Variants in CHCHD7 observed in about 807,000 individuals in gnomAD.
The protein encoded by CHCHD7 is coiled-coil-helix-coiled-coil-helix domain-containing protein 7.
A neutral mutation model predicts 10.5 loss-of-function variants in CHCHD7; 7 were observed. The ratio of observed to expected loss-of-function variants is 0.67; its 90% CI spans 0.38 to 1.25. The LOEUF (loss-of-function observed/expected upper bound fraction) is 1.25, where lower values mean the gene tolerates loss of function less well. CHCHD7 is among the 50% of genes most tolerant of loss of function. CHCHD7 has a pLI of 0.02. For synonymous variants in CHCHD7, 40 were observed against 36.0 expected, an observed-to-expected ratio of 1.11 and a Z score of -0.40; for missense variants, 100 against 104.5, an observed-to-expected ratio of 0.96 and a Z score of 0.19.
At chr8:56,212,852 T>C (rs777222629) in intron 1 of CHCHD7, 1 of 1,605,724 alleles carries the variant, frequency 6.2e-7, no homozygotes, top group Admixed American at 1.7e-5. Flanking sequence ...GAAAAGGAAA[T>C]GAAATGTGAA....
chr8:56,213,516 T>A (rs1321891342), intron 1 of CHCHD7: 1 of 152,288 alleles, frequency 6.6e-6, no homozygotes, highest in Non-Finnish European at 1.5e-5. Context: ...CTCAGCCTCC[T>A]GAGTAGTTGG....
At position 56,218,098 on chromosome 8, in the gene CHCHD7, C is replaced by A. The variant is rs929373334; in HGVS notation, c.*663C>A. The A allele has an allele frequency of 4.4e-5, 10 of 228,408 alleles. No individual in the cohort carries two copies. Among genetic ancestry groups the A allele is most frequent in the Admixed American group, 3.4e-4 (6 of 17,618 alleles). The allele number at this position is 228,408 out of a possible 1,614,324, so 14.1% of individuals were successfully genotyped here. A position where few individuals can be genotyped will look rare whatever the true frequency, so the allele number is the denominator to read the frequency against. On this transcript the variant is annotated 3_prime_UTR_variant, in exon 4 of 4. Transcript: ENST00000355315. ...TAAAGAAAGTCTTAGTTACAGGATT[C>A]TGTGATTAAAATCCTTAAATATTGG...
Position 56,216,437 on chromosome 8 carries a change from C to A in CHCHD7, c.59C>A (p.Ser20Tyr), listed in dbSNP as rs763812651. 1.4e-5 allele frequency: 23 copies of A among 1,613,876 alleles called. No individual in the cohort carries two copies. In the East Asian group the frequency reaches 4.7e-4, roughly 33 times the overall value. ...TGCCTCTCTTATATCTGTAAGGAAT[C>A]TGATGCTTCCACCAGATGTCTGGAT... ...DPDINPCLSE[S>Y]DASTRCLDEN... is the part of the protein sequence containing the mutation. Residue 20 changes from serine (S) to tyrosine (Y), a missense_variant, in exon 3 of 4, where the codon TCT becomes TAT. Transcript: ENST00000355315.
In CHCHD7 at chr8:56,213,017, A is replaced by G. The variant is rs1563405520; in HGVS notation, c.-17+1180A>G. 4.3e-5 allele frequency: 29 copies of G among 677,560 alleles called. No homozygotes were observed. The East Asian group carries it at 7.8e-4, about 18-fold the overall frequency. 42.0% of individuals were successfully genotyped at this position (677,560 alleles called of 1,614,324 possible). A position where few individuals can be genotyped will look rare whatever the true frequency, so the allele number is the denominator to read the frequency against. Reference sequence around the variant, plus strand: ...GCAAGGTTGTCTGATCCTTGTTGAGATTATTAAATCTAAGGTGTATGAAGA... The same window carrying G: ...GCAAGGTTGTCTGATCCTTGTTGAGGTTATTAAATCTAAGGTGTATGAAGA... On this transcript the variant is annotated intron_variant, in intron 1 of 3. Transcript: ENST00000355315.
chr8:56,216,624 C>T (rs1585859036), intron 3 of CHCHD7, 93 bp downstream of exon 3: 1 of 1,294,264 alleles, frequency 7.7e-7, no homozygotes, highest in Non-Finnish European at 1.1e-6. Context: ...TCCTTTCCCA[C>T]TGATGGCTGT....
chr8:56,217,216 T>C (rs915676500), intron 3 of CHCHD7, 115 bp from the exon 4 acceptor site: 13 of 587,196 alleles, frequency 2.2e-5, no homozygotes, highest in African/African-American at 1.3e-4. Context: ...TAAAAAAAAC[T>C]TGGTTTTTAG....
In CHCHD7 at chr8:56,218,305, A is replaced by G. The variant is rs1813478836; in HGVS notation, c.*870A>G. Reference sequence around the variant, plus strand: ...GAACTTCACTTTATGATATAAACACAATACGATTATTCAATGTGGTGACTG... The same window carrying G: ...GAACTTCACTTTATGATATAAACACGATACGATTATTCAATGTGGTGACTG... On this transcript the variant is annotated 3_prime_UTR_variant, in exon 4 of 4. Transcript: ENST00000355315. 1.3e-5 allele frequency: 3 copies of G among 229,322 alleles called. No homozygotes were observed. The highest frequency in any genetic ancestry group is 2.6e-5 in the Non-Finnish European group (3 of 115,752). The allele number at this position is 229,322 out of a possible 1,614,324, so 14.2% of individuals were successfully genotyped here.
At chr8:56,212,731 C>T in intron 1 of CHCHD7, 1 of 683,178 alleles carries the variant, frequency 1.5e-6, no homozygotes, top group East Asian at 2.6e-5. Context: ...CCGCTCCTCA[C>T]TGTAAATTGA....
intron 1 of CHCHD7, chr8:56,212,582 C>A (rs900096250): frequency 1.1e-5 from 4 of 371,028 alleles, no homozygotes; most frequent in Non-Finnish European, 1.9e-5. Context: ...GGTTTTGTGG[C>A]CCCTCCTTCA....
intron 1 of CHCHD7, chr8:56,212,772 A>G: frequency 1.2e-6 from 1 of 861,672 alleles, no homozygotes; most frequent in Non-Finnish European, 2.0e-6. Context: ...TTAATACACG[A>G]GGAACTCATG....
intron 1 of CHCHD7, chr8:56,212,538 A>G (rs1482471823): frequency 7.4e-6 from 2 of 270,682 alleles, no homozygotes; most frequent in South Asian, 9.7e-5. Flanking sequence ...TGCCCTTTGG[A>G]GTGGATTTTA....
intron 3 of CHCHD7, 125 bp downstream of exon 3, chr8:56,216,656 T>C (rs780706233): frequency 2.0e-6 from 2 of 994,180 alleles, no homozygotes; most frequent in East Asian, 5.1e-5. Context: ...ACTTTTCAAC[T>C]TTATCCTCTG....
chr8:56,217,167 T>C (rs554388638), intron 3 of CHCHD7, among the ~76,000 whole-genome samples, 164 bp from the exon 4 acceptor site: 3 of 152,362 alleles, frequency 2.0e-5, no homozygotes, highest in African/African-American at 7.2e-5. Flanking sequence ...TAAATACGTT[T>C]ATCTGGAGTC....
chr8:56,216,485 G>A lies in CHCHD7; in HGVS notation c.107G>A (p.Arg36Lys). 1 of 1,614,164 alleles carries A rather than the reference G, an allele frequency of 6.2e-7. No individual in the cohort carries two copies. Among genetic ancestry groups the A allele is most frequent in the Non-Finnish European group, 8.5e-7 (1 of 1,180,014 alleles). ...GATGAAAATAACTATGACAGGGAAA[G>A]GTGTTCCACTTACTTCTTGAGGTAC... ...CLDENNYDRE[R>K]CSTYFLRYKN... is the part of the protein sequence containing the mutation. Residue 36 changes from arginine to lysine, a missense_variant, in exon 3 of 4, where the codon AGG becomes AAG. By Grantham distance (26) the Arg-to-Lys change is conservative (BLOSUM62 2). Coordinates refer to ENST00000355315, the MANE Select transcript of CHCHD7 (RefSeq NM_001011671.3).
At chr8:56,213,392 C>G (rs1333422463) in intron 1 of CHCHD7, 2 of 143,350 alleles carry the variant, frequency 1.4e-5, no homozygotes, top group Non-Finnish European at 3.1e-5. Flanking sequence ...CTGGGTGTCT[C>G]TTTTTTTTTT....
intron 1 of CHCHD7, chr8:56,212,954 A>G (rs1813104356): frequency 8.2e-7 from 1 of 1,226,602 alleles, no homozygotes. Flanking sequence ...AATATAGAGT[A>G]GGATACTTTC....
chr8:56,217,705 T>G lies in CHCHD7; in HGVS notation c.*270T>G. The G allele has an allele frequency of 2.9e-6, 1 of 340,062 alleles. No homozygotes were observed. Among genetic ancestry groups the G allele is most frequent in the East Asian group, 4.7e-5 (1 of 21,222 alleles). The allele number at this position is 340,062 out of a possible 1,614,324, so 21.1% of individuals were successfully genotyped here. ...TACATGAGAAATTGAGCTTTTCCAC[T>G]GGGTTTTGAAAGAAGAGTATGATGT... On this transcript the variant is annotated 3_prime_UTR_variant, in exon 4 of 4. Coordinates refer to ENST00000355315, the MANE Select transcript of CHCHD7 (RefSeq NM_001011671.3).
chr8:56,212,424 A>G (rs1813054532), intron 1 of CHCHD7: 1 of 157,006 alleles, frequency 6.4e-6, no homozygotes, highest in Non-Finnish European at 1.4e-5. Flanking sequence ...GTGGGCATGA[A>G]CGTGTTCAGA....
intron 2 of CHCHD7, 112 bp from the exon 3 acceptor site, chr8:56,216,320 CA>C: frequency 6.7e-7 from 1 of 1,491,666 alleles, no homozygotes; most frequent in African/African-American, 1.4e-5. Flanking sequence ...AAAATGAACA[CA>C]AATGAACTAT....
Sources: allele counts gnomAD v4.1 joint callset (sites outside exome capture counted in the v4.1 genomes callset), GRCh38; gene constraint gnomAD v4.1.1; transcripts MANE v1.5; gene names NCBI Gene and HGNC (gene_info 2026-07-23, HGNC 2026-07-21).